Variants in TRAT1 observed in about 807,000 individuals in gnomAD.
TRAT1 encodes T-cell receptor-associated transmembrane adapter 1.
Under a neutral mutation model 20.0 loss-of-function variants are expected in TRAT1, and 20 were observed. That is an observed-to-expected ratio of 1.00 (90% confidence interval 0.70 to 1.45). The LOEUF (loss-of-function observed/expected upper bound fraction) is 1.45, where lower values mean the gene tolerates loss of function less well. Among genes scored for constraint, TRAT1 ranks in the 40% most tolerant of loss-of-function variants. The pLI, the probability that TRAT1 is intolerant of heterozygous loss-of-function variation, is 0.00. For missense variants in TRAT1, 237 were observed against 224.1 expected, an observed-to-expected ratio of 1.06 and a Z score of -0.37; for synonymous variants, 77 against 74.2, an observed-to-expected ratio of 1.04 and a Z score of -0.20.
chr3:108,841,879 A>T (rs1463800991), intron 3 of TRAT1, among the ~76,000 whole-genome samples: 2 of 152,180 alleles, frequency 1.3e-5, no homozygotes, highest in African/African-American at 4.8e-5. Context: ...CATGGATTTG[A>T]GATCCAGGCA....
At position 108,822,886 on chromosome 3, in the gene TRAT1, T is replaced by G. The variant is rs768086007; in HGVS notation, c.-42T>G. On this transcript the variant is annotated 5_prime_UTR_variant, in exon 1 of 6. It adds an upstream start codon to the 5' untranslated region. Coordinates refer to ENST00000295756, the MANE Select transcript of TRAT1 (RefSeq NM_016388.4). The stretch of plus-strand genomic sequence containing the variant: ...GTAGGAGGATTTTTAATCCATATAT[T>G]TGTCTTATGGCTAGATAAAGATTTC... 6.3e-7 allele frequency: 1 copy of G among 1,590,100 alleles called. No individual in the cohort carries two copies. The highest frequency in any genetic ancestry group is 8.6e-7 in the Non-Finnish European group (1 of 1,160,222).
chr3:108,831,763 G>A (rs1204077863), intron 2 of TRAT1, among the ~76,000 whole-genome samples: 4 of 151,942 alleles, frequency 2.6e-5, no homozygotes, highest in South Asian at 2.1e-4. Flanking sequence ...GGCTGATCCT[G>A]TACTCTTGTT....
At position 108,823,880 on chromosome 3, in the gene TRAT1, TG is replaced by T. The variant is rs1351794734; in HGVS notation, c.7+947del. Among the ~76,000 whole-genome samples, 22 of 152,252 alleles carry T rather than the reference TG, an allele frequency of 1.4e-4. No individual in the cohort carries two copies. In the East Asian group the frequency reaches 2.3e-3, roughly 16 times the overall value. On this transcript the variant is annotated intron_variant, in intron 1 of 5. Coordinates refer to ENST00000295756, the MANE Select transcript of TRAT1 (RefSeq NM_016388.4). ...TATGTTGTATACAGTTTTTTTTGTT[TG>T]TTTTTTTTTGAGACAGAGTCTCTCT... is the stretch of plus-strand genomic sequence containing the variant.
At chr3:108,853,479 T>C in intron 5 of TRAT1, 141 bp from the exon 6 acceptor site, 2 of 964,804 alleles carry the variant, frequency 2.1e-6, no homozygotes, top group Non-Finnish European at 3.1e-6. Flanking sequence ...TTGTTTTTGT[T>C]TTTTGTACTG....
At chr3:108,839,861 A>G (rs879717554) in intron 3 of TRAT1, among the ~76,000 whole-genome samples, 1 of 152,124 alleles carries the variant, frequency 6.6e-6, no homozygotes, top group South Asian at 2.1e-4. Flanking sequence ...TAAAAAAAAT[A>G]TTTATGGCAT....
At chr3:108,843,477 C>A (rs1392568918) in intron 3 of TRAT1, among the ~76,000 whole-genome samples, 1 of 152,076 alleles carries the variant, frequency 6.6e-6, no homozygotes, top group Non-Finnish European at 1.5e-5. Flanking sequence ...TTGCAGTGAG[C>A]CAAGATCACA....
intron 3 of TRAT1, among the ~76,000 whole-genome samples, chr3:108,841,000 T>C (rs919115860): frequency 6.6e-5 from 10 of 152,248 alleles, no homozygotes; most frequent in Admixed American, 5.9e-4. Flanking sequence ...GCTAAAGCAC[T>C]GAAGGATATC....
rs750089055 is a variant in TRAT1 at position 108,853,721 on chromosome 3, T to C, written c.405T>C (p.Asp135=). ...AGAATACTCATTTCTCAGACAAGGA[T>C]GGAGATGAGCAACTACATGCAATAG... ...RKQNTHFSDK[D]GDEQLHAIDA... is the part of the protein sequence containing the mutation. The change falls in exon 6 of 6, where the codon GAT becomes GAC. Residue 135 remains aspartate, a synonymous_variant. Coordinates refer to ENST00000295756, the MANE Select transcript of TRAT1 (RefSeq NM_016388.4). 6.2e-7 allele frequency: 1 copy of C among 1,614,104 alleles called. No individual in the cohort carries two copies. Among genetic ancestry groups the C allele is most frequent in the Non-Finnish European group, 8.5e-7 (1 of 1,180,002 alleles).
intron 1 of TRAT1, 59 bp downstream of exon 1, chr3:108,822,993 TA>T: frequency 6.6e-7 from 1 of 1,511,032 alleles, no homozygotes; most frequent in Non-Finnish European, 9.2e-7. Flanking sequence ...ACTTAATTTC[TA>T]AGTCCTAACG....
At chr3:108,825,110 G>T (rs542597257) in intron 1 of TRAT1, among the ~76,000 whole-genome samples, 1 of 130,492 alleles carries the variant, frequency 7.7e-6, no homozygotes, top group Admixed American at 8.2e-5. Context: ...TGAAGGAAGA[G>T]AATCAGATGA....
chr3:108,834,649 AC>A (rs750979355), intron 2 of TRAT1, among the ~76,000 whole-genome samples: 5 of 152,154 alleles, frequency 3.3e-5, no homozygotes, highest in Non-Finnish European at 7.4e-5. Flanking sequence ...GCCTCATATA[AC>A]TTTTTATGTT....
intron 2 of TRAT1, among the ~76,000 whole-genome samples, chr3:108,837,950 A>T (rs1945854299): frequency 2.6e-5 from 4 of 152,242 alleles, no homozygotes; most frequent in Admixed American, 1.3e-4. Flanking sequence ...TAGCTTTTGA[A>T]TTCTTATATT....
intron 3 of TRAT1, among the ~76,000 whole-genome samples, chr3:108,843,396 G>A (rs554964750): frequency 9.2e-5 from 14 of 152,198 alleles, no homozygotes; most frequent in East Asian, 1.9e-4. Context: ...TGGGCATGTC[G>A]TCATGCGCCT....
intron 3 of TRAT1, among the ~76,000 whole-genome samples, chr3:108,840,169 G>T (rs529704955): frequency 1.3e-5 from 2 of 152,094 alleles, no homozygotes; most frequent in African/African-American, 4.8e-5. Flanking sequence ...TGGGCTGCAG[G>T]CATACCCCGT....
chr3:108,825,117 A>T (rs962653098), intron 1 of TRAT1, among the ~76,000 whole-genome samples: 13 of 106,116 alleles, frequency 1.2e-4, no homozygotes, highest in South Asian at 3.2e-4. Context: ...AGAGAATCAG[A>T]TGATAGTATT....
At chr3:108,850,581 G>A (rs1241092789) in intron 5 of TRAT1, among the ~76,000 whole-genome samples, 1 of 152,214 alleles carries the variant, frequency 6.6e-6, no homozygotes, top group Admixed American at 6.5e-5. Flanking sequence ...TGGGATTACA[G>A]GCATGAGCCA....
chr3:108,838,346 TATAGATAGATGATAGATAG>T (rs138589654), intron 2 of TRAT1, among the ~76,000 whole-genome samples: 4,974 of 143,358 alleles, frequency 0.035, 154 homozygotes, highest in African/African-American at 0.093. Flanking sequence ...AGATGATAGA[TATAGATAGATGATAGATAG>T]ATAGATAGAT....
intron 5 of TRAT1, among the ~76,000 whole-genome samples, chr3:108,849,993 A>G (rs1945983099): frequency 6.6e-6 from 1 of 152,222 alleles, no homozygotes; most frequent in South Asian, 2.1e-4. Flanking sequence ...GTTACTGCCT[A>G]GAAATGGTAA....
intron 1 of TRAT1, among the ~76,000 whole-genome samples, chr3:108,824,891 A>G (rs533771685): frequency 1.3e-5 from 2 of 152,292 alleles, no homozygotes; most frequent in African/African-American, 2.4e-5. Flanking sequence ...ACATTCCTCT[A>G]TTTTCAGGAC....
Sources: gnomAD v4.1 joint callset for allele counts (sites outside exome capture counted in the v4.1 genomes callset) on GRCh38, gnomAD v4.1.1 for gene constraint, MANE v1.5 for transcripts, NCBI Gene and HGNC (gene_info 2026-07-23, HGNC 2026-07-21) for gene names.